The following CHST11 variants were observed in gnomAD, a reference collection of about 807,000 sequenced individuals.
The protein encoded by CHST11 is carbohydrate sulfotransferase 11, also known as C4S-1.
Under a neutral mutation model 30.4 loss-of-function variants are expected in CHST11, and 9 were observed. That is an observed-to-expected ratio of 0.30 (90% CI 0.18 to 0.52). CHST11 has a LOEUF of 0.52. CHST11 is among the 20% of genes least tolerant of loss of function. The probability of loss-of-function intolerance (pLI) is 0.97; values close to 1 mark genes in which losing one functional copy is unlikely to be tolerated. For missense variants in CHST11, 348 were observed against 460.6 expected, an observed-to-expected ratio of 0.76 and a Z score of 2.24; for synonymous variants, 152 against 187.8, an observed-to-expected ratio of 0.81 and a Z score of 1.56.
At chr12:104,487,106 T>C (rs2037687172) in intron 1 of CHST11, among the ~76,000 whole-genome samples, 1 of 152,214 alleles carries the variant, frequency 6.6e-6, no homozygotes, top group African/African-American at 2.4e-5. Flanking sequence ...TCTGTCTGCC[T>C]AAAAATAGCC....
intron 2 of CHST11, among the ~76,000 whole-genome samples, chr12:104,749,079 A>G (rs1469454992): frequency 6.6e-6 from 1 of 152,196 alleles, no homozygotes; most frequent in East Asian, 1.9e-4. Flanking sequence ...GGGATGTGGT[A>G]TGTGTGAAAG....
At chr12:104,706,163 C>T (rs561965119) in intron 2 of CHST11, among the ~76,000 whole-genome samples, 99 of 151,794 alleles carry the variant, frequency 6.5e-4, no homozygotes, top group African/African-American at 2.2e-3. Flanking sequence ...GCGGGCAGAT[C>T]ACCTGAGGTC....
intron 1 of CHST11, among the ~76,000 whole-genome samples, chr12:104,519,299 C>A (rs1456046101): frequency 6.6e-6 from 1 of 152,156 alleles, no homozygotes; most frequent in East Asian, 1.9e-4. Flanking sequence ...AGGAAACCCC[C>A]TTACCATAAG....
chr12:104,752,606 C>T (rs919443117), intron 2 of CHST11, among the ~76,000 whole-genome samples: 4 of 152,312 alleles, frequency 2.6e-5, no homozygotes, highest in African/African-American at 7.2e-5. Context: ...CGGCTCATTG[C>T]AACCTCCGCC....
At chr12:104,737,344 C>T (rs560557177) in intron 2 of CHST11, among the ~76,000 whole-genome samples, 1 of 152,330 alleles carries the variant, frequency 6.6e-6, no homozygotes, top group East Asian at 1.9e-4. Flanking sequence ...GGAACCTGGG[C>T]CTCACCACTT....
At chr12:104,568,828 A>T (rs1321766389) in intron 1 of CHST11, among the ~76,000 whole-genome samples, 1 of 152,206 alleles carries the variant, frequency 6.6e-6, no homozygotes, top group Non-Finnish European at 1.5e-5. Context: ...GTTCTTAACC[A>T]CTATTTTATA....
At chr12:104,627,781 T>A (rs1401240519) in intron 2 of CHST11, among the ~76,000 whole-genome samples, 1 of 124,220 alleles carries the variant, frequency 8.1e-6, no homozygotes, top group African/African-American at 3.0e-5. Flanking sequence ...TAAAGTCAGA[T>A]GATGATGATG....
chr12:104,473,885 C>T (rs1405633364), intron 1 of CHST11, among the ~76,000 whole-genome samples: 2 of 151,928 alleles, frequency 1.3e-5, no homozygotes, highest in South Asian at 2.1e-4. Context: ...CCTTTGATCC[C>T]CTTTATTTTC....
intron 2 of CHST11, among the ~76,000 whole-genome samples, chr12:104,690,366 A>G (rs773712773): frequency 6.6e-6 from 1 of 152,140 alleles, no homozygotes; most frequent in African/African-American, 2.4e-5. Flanking sequence ...TCTCTTTTCA[A>G]TTTGCTAAAA....
chr12:104,466,980 G>A (rs1213871660), intron 1 of CHST11, among the ~76,000 whole-genome samples: 1 of 152,154 alleles, frequency 6.6e-6, no homozygotes, highest in Non-Finnish European at 1.5e-5. Flanking sequence ...CCATTTTCTT[G>A]TGTGCCTGGA....
At position 104,457,185 on chromosome 12, in the gene CHST11, A is replaced by C; in HGVS notation, c.-227A>C. 2.8e-6 allele frequency: 1 copy of C among 363,034 alleles called. No individual in the cohort carries two copies. The highest frequency in any genetic ancestry group is 5.0e-6 in the Non-Finnish European group (1 of 201,914). 22.5% of individuals were successfully genotyped at this position (363,034 alleles called of 1,614,324 possible). The stretch of plus-strand genomic sequence containing the variant: ...GGAGGAGGAGCAGGAGCGCGCAGCC[A>C]GCGGGTCCACGCATCTCAGCACTTC... On this transcript the variant is annotated 5_prime_UTR_variant, in exon 1 of 3. Coordinates refer to ENST00000303694, the MANE Select transcript of CHST11 (RefSeq NM_018413.6).
intron 2 of CHST11, among the ~76,000 whole-genome samples, chr12:104,724,704 C>T (rs1038312463): frequency 3.3e-5 from 5 of 152,096 alleles, no homozygotes; most frequent in African/African-American, 1.2e-4. Context: ...TTAGTCTTTC[C>T]CTCCACCGGT....
intron 1 of CHST11, among the ~76,000 whole-genome samples, chr12:104,549,252 G>A (rs1362375000): frequency 6.6e-6 from 1 of 152,196 alleles, no homozygotes; most frequent in East Asian, 1.9e-4. Context: ...CATGTCAACT[G>A]CAAAGTTCCT....
chr12:104,458,483 G>A lies in CHST11; in HGVS notation c.118+954G>A, dbSNP rs1410450688. ...GGCTCGTCGCTTCCTAGGGGTGCGA[G>A]GGAAAGTTTGGGTTCTGGAGAGGGA... On this transcript the variant is annotated intron_variant, in intron 1 of 2. Coordinates refer to ENST00000303694, the MANE Select transcript of CHST11 (RefSeq NM_018413.6). This position sits in a 1 kb window ranked among gnomAD's most constrained non-coding sequence, Gnocchi z 5.7. Among the ~76,000 whole-genome samples the A allele has an allele frequency of 6.6e-6, 1 of 152,182 alleles. No homozygotes were observed. The highest frequency in any genetic ancestry group is 1.9e-4 in the East Asian group (1 of 5,154).
chr12:104,478,836 A>G (rs573959331), intron 1 of CHST11, among the ~76,000 whole-genome samples: 1 of 152,250 alleles, frequency 6.6e-6, no homozygotes, highest in South Asian at 2.1e-4. Flanking sequence ...GGTGACTGGA[A>G]CCATCTAGTC....
intron 2 of CHST11, among the ~76,000 whole-genome samples, chr12:104,661,550 G>A (rs1441336668): frequency 6.6e-6 from 1 of 152,176 alleles, no homozygotes; most frequent in Non-Finnish European, 1.5e-5. Flanking sequence ...CTGAACTCCA[G>A]CCTGGGCAAC....
At chr12:104,696,042 G>A (rs1182705745) in intron 2 of CHST11, among the ~76,000 whole-genome samples, 1 of 152,156 alleles carries the variant, frequency 6.6e-6, no homozygotes, top group African/African-American at 2.4e-5. Context: ...TTGCTGAGCA[G>A]TCGTTCTGAG....
At chr12:104,580,973 AT>A (rs2038737545) in intron 1 of CHST11, among the ~76,000 whole-genome samples, 1 of 152,284 alleles carries the variant, frequency 6.6e-6, no homozygotes, top group East Asian at 1.9e-4. Context: ...AGCCTTGAAT[AT>A]TGATGTTTAT....
At chr12:104,461,552 G>C (rs758226814) in intron 1 of CHST11, among the ~76,000 whole-genome samples, 4 of 152,246 alleles carry the variant, frequency 2.6e-5, no homozygotes, top group Non-Finnish European at 5.9e-5. Flanking sequence ...CAGCTCTTCA[G>C]AACCTTCCTT....
Sources: allele counts gnomAD v4.1 joint callset (sites outside exome capture counted in the v4.1 genomes callset), GRCh38; gene constraint gnomAD v4.1.1; non-coding constraint Gnocchi (gnomAD v3.1); transcripts MANE v1.5; gene names NCBI Gene and HGNC (gene_info 2026-07-23, HGNC 2026-07-21).